SERPINB6: variants seen among roughly 807,000 people sequenced by gnomAD.
SERPINB6 encodes the protein serpin family B member 6.
A neutral mutation model predicts 26.1 loss-of-function variants in SERPINB6; 16 were observed. The ratio of observed to expected loss-of-function variants is 0.61; its 90% CI spans 0.42 to 0.93. The LOEUF (loss-of-function observed/expected upper bound fraction) is 0.93, where lower values mean the gene tolerates loss of function less well. SERPINB6 is among the 40% of genes least tolerant of loss of function. The pLI is 0.00. For missense variants in SERPINB6, 420 were observed against 478.0 expected (o/e 0.88, Z 1.13); for synonymous variants, 174 against 176.6 (o/e 0.99, Z 0.11).
intron 1 of SERPINB6, chr6:2,970,122 C>T (rs1201040459): frequency 1.0e-6 from 1 of 984,786 alleles, no homozygotes; most frequent in Middle Eastern, 5.2e-4. Flanking sequence ...GTGCAGTAAG[C>T]CTGGAAATGT....
At chr6:2,964,436 C>T (rs534564810) in intron 1 of SERPINB6, among the ~76,000 whole-genome samples, 16 of 152,144 alleles carry the variant, frequency 1.1e-4, no homozygotes, top group African/African-American at 3.9e-4. Flanking sequence ...ACTATACATA[C>T]AATTTAAATT....
chr6:2,955,397 G>T, intron 3 of SERPINB6, 127 bp downstream of exon 3: 1 of 1,095,890 alleles, frequency 9.1e-7, no homozygotes, highest in Non-Finnish European at 1.4e-6. Context: ...ATTGGCAGGT[G>T]AAAAGAAATT....
chr6:2,957,530 C>T (rs941210351), intron 2 of SERPINB6: 3 of 152,278 alleles, frequency 2.0e-5, no homozygotes, highest in Non-Finnish European at 4.4e-5. Flanking sequence ...AAGATTCAGA[C>T]AGCATCTTAT....
chr6:2,955,447 A>G, intron 3 of SERPINB6, 77 bp downstream of exon 3: 1 of 1,566,980 alleles, frequency 6.4e-7, no homozygotes. Context: ...TTAGAGCCAC[A>G]CGCTTCCTGC....
At position 2,948,679 on chromosome 6, in the gene SERPINB6, G is replaced by A. The variant is rs35617833; in HGVS notation, c.750C>T (p.Tyr250=). 200 of 1,614,086 alleles carry A rather than the reference G, an allele frequency of 1.2e-4. 2 individuals are homozygous for A. In the African/African-American group the frequency reaches 2.3e-3, roughly 18 times the overall value. ...DLRTVEKELT[Y]EKFVEWTRLD... ...GCCTCGTCCATTCTACGAACTTCTC[G>A]TAAGTGAGTTCTTTCTCCACCTAGA... The change falls in exon 7 of 7, where the codon TAC becomes TAT. Residue 250 remains tyrosine (Y), a synonymous_variant. Coordinates refer to ENST00000380539, the MANE Select transcript of SERPINB6 (RefSeq NM_004568.6). The surrounding 1 kb of genome is among the most constrained non-coding windows in gnomAD (Gnocchi z 5.0).
At chr6:2,957,107 G>C in intron 2 of SERPINB6, 1 of 153,074 alleles carries the variant, frequency 6.5e-6, no homozygotes, top group Non-Finnish European at 1.5e-5. Flanking sequence ...GACCCAGGCA[G>C]CTGGCAGAGG....
chr6:2,956,295 C>G (rs988341330), intron 2 of SERPINB6: 1 of 154,016 alleles, frequency 6.5e-6, no homozygotes, highest in Non-Finnish European at 1.4e-5. Context: ...CCCTCCTGCC[C>G]GTGGCTCTGG....
At chr6:2,965,038 C>T (rs185077934) in intron 1 of SERPINB6, among the ~76,000 whole-genome samples, 45 of 152,272 alleles carry the variant, frequency 3.0e-4, no homozygotes, top group Admixed American at 4.6e-4. Context: ...GCCGAGGGCC[C>T]GGTCCCGATC....
chr6:2,954,895 A>AAAACTAAG, intron 3 of SERPINB6, 186 bp from the exon 4 acceptor site: 1 of 595,456 alleles, frequency 1.7e-6, no homozygotes, highest in Non-Finnish European at 3.0e-6. Context: ...TCCTAGCTTA[A>AAAACTAAG]AAACTAAGTC....
chr6:2,951,866 G>A (rs1209159876), intron 5 of SERPINB6, among the ~76,000 whole-genome samples: 1 of 152,186 alleles, frequency 6.6e-6, no homozygotes, highest in Non-Finnish European at 1.5e-5. Flanking sequence ...GAACCACTAA[G>A]GGGAAGGTTT....
chr6:2,961,515 GC>G (rs1771101541), intron 1 of SERPINB6, among the ~76,000 whole-genome samples: 1 of 152,172 alleles, frequency 6.6e-6, no homozygotes, highest in African/African-American at 2.4e-5. Context: ...CACAAGAACT[GC>G]CCGCTTATCA....
intron 1 of SERPINB6, among the ~76,000 whole-genome samples, chr6:2,964,786 G>A (rs1047441566): frequency 2.0e-5 from 3 of 152,088 alleles, no homozygotes; most frequent in South Asian, 2.1e-4. Context: ...TCTACATAAC[G>A]TGTATACTAC....
chr6:2,969,889 C>A (rs1771972079), intron 1 of SERPINB6: 7 of 869,348 alleles, frequency 8.1e-6, no homozygotes, highest in Non-Finnish European at 9.7e-6. Context: ...GTAATCCCAG[C>A]ACTTTGGGAG....
chr6:2,953,287 G>A (rs1009157914), intron 4 of SERPINB6, 101 bp from the exon 5 acceptor site: 7 of 1,489,498 alleles, frequency 4.7e-6, no homozygotes, highest in Non-Finnish European at 3.7e-6. Flanking sequence ...TCAAGTGCAC[G>A]GATAGAGAGT....
At chr6:2,964,712 CAA>C (rs1051350470) in intron 1 of SERPINB6, among the ~76,000 whole-genome samples, 1 of 152,194 alleles carries the variant, frequency 6.6e-6, no homozygotes, top group African/African-American at 2.4e-5. Context: ...TCAGCCCTCC[CAA>C]CTCCCCAGAA....
intron 1 of SERPINB6, chr6:2,970,965 G>A: frequency 8.2e-7 from 1 of 1,212,278 alleles, no homozygotes; most frequent in Non-Finnish European, 1.0e-6. Context: ...ACACGCAGGG[G>A]GCCCGGATGG....
At chr6:2,969,991 C>T in intron 1 of SERPINB6, 1 of 866,112 alleles carries the variant, frequency 1.2e-6, no homozygotes, top group Non-Finnish European at 1.4e-6. Flanking sequence ...AAAAATTAGC[C>T]AGGTATGGAG....
At chr6:2,958,995 G>T (rs1437548490) in intron 2 of SERPINB6, among the ~76,000 whole-genome samples, 173 bp downstream of exon 2, 1 of 152,112 alleles carries the variant, frequency 6.6e-6, no homozygotes, top group East Asian at 1.9e-4. Context: ...GTCAGTCAGG[G>T]TGTTGTCCCC....
At chr6:2,951,408 A>T (rs1769794469) in intron 5 of SERPINB6, among the ~76,000 whole-genome samples, 2 of 151,806 alleles carry the variant, frequency 1.3e-5, no homozygotes, top group African/African-American at 4.8e-5. Context: ...AAAATAAAAA[A>T]AAAAAATAAG....
Sources: allele counts gnomAD v4.1 joint callset (sites outside exome capture counted in the v4.1 genomes callset), GRCh38; gene constraint gnomAD v4.1.1; non-coding constraint Gnocchi (gnomAD v3.1); transcripts MANE v1.5; gene names NCBI Gene and HGNC (gene_info 2026-07-23, HGNC 2026-07-21).